Variants in SLCO1B3 observed in about 807,000 individuals in gnomAD.
The protein encoded by SLCO1B3 is solute carrier organic anion transporter family member 1B3.
SLCO1B3 carries 72 observed loss-of-function variants against 71.8 expected under a neutral mutation model. The ratio of observed to expected loss-of-function variants is 1.00; its 90% CI spans 0.83 to 1.22. SLCO1B3 has a LOEUF of 1.22. Ranked by LOEUF, SLCO1B3 falls within the 50% of genes most tolerant of loss-of-function variation. The probability of loss-of-function intolerance (pLI) is 0.00; values close to 1 mark genes in which losing one functional copy is unlikely to be tolerated. For synonymous variants in SLCO1B3, 298 were observed against 278.4 expected (o/e 1.07, Z -0.70); for missense variants, 911 against 819.7 (o/e 1.11, Z -1.36).
intron 6 of SLCO1B3, among the ~76,000 whole-genome samples, chr12:20,861,385 A>T (rs1461740894): frequency 6.6e-6 from 1 of 152,114 alleles, no homozygotes; most frequent in Admixed American, 6.6e-5. Context: ...CCCACCACCG[A>T]TGTGGAGGTC....
intron 13 of SLCO1B3, among the ~76,000 whole-genome samples, chr12:20,889,991 C>A (rs1317011294): frequency 1.3e-5 from 2 of 151,528 alleles, no homozygotes; most frequent in East Asian, 3.9e-4. Flanking sequence ...AATCTTGGCT[C>A]ACTGCAACCT....
At chr12:20,912,631 C>G (rs938574084) in intron 15 of SLCO1B3, among the ~76,000 whole-genome samples, 1 of 150,928 alleles carries the variant, frequency 6.6e-6, no homozygotes, top group African/African-American at 2.4e-5. Flanking sequence ...TCAAGTGATT[C>G]TCCTACCTCA....
rs186969188 is a variant in SLCO1B3 at position 20,819,026 on chromosome 12, A to C, written c.84+3204A>C. Among the ~76,000 whole-genome samples the C allele has an allele frequency of 1.1e-3, 168 of 152,308 alleles. 2 individuals carry two copies. In the South Asian group the frequency reaches 0.032, roughly 29 times the overall value. ...AAATAGATTTTGGAAGTTATGAGAAATGTAGAGAGTGAGTTGAGCATAGTT... is the reference window on the plus strand; with the variant it reads ...AAATAGATTTTGGAAGTTATGAGAACTGTAGAGAGTGAGTTGAGCATAGTT... On this transcript the variant is annotated intron_variant, in intron 3 of 15. Coordinates refer to ENST00000381545, the MANE Select transcript of SLCO1B3 (RefSeq NM_019844.4).
intron 3 of SLCO1B3, among the ~76,000 whole-genome samples, chr12:20,841,347 T>C (rs961895865): frequency 6.6e-6 from 1 of 152,170 alleles, no homozygotes; most frequent in Non-Finnish European, 1.5e-5. Context: ...CAGTATATTT[T>C]TTAAAATTGT....
At chr12:20,859,495 C>CCG (rs1158588959) in intron 5 of SLCO1B3, among the ~76,000 whole-genome samples, 1 of 124,448 alleles carries the variant, frequency 8.0e-6, no homozygotes, top group Non-Finnish European at 1.9e-5. Flanking sequence ...TTTTTTCCCC[C>CCG]TCTACATTTG....
chr12:20,877,842 AC>A lies in SLCO1B3; in HGVS notation c.1042del (p.Gln348LysfsTer2). On this transcript the variant is annotated frameshift_variant, in exon 10 of 16. Coordinates refer to ENST00000381545, the MANE Select transcript of SLCO1B3 (RefSeq NM_019844.4). LOFTEE classifies it high-confidence loss of function. ...TTATATTTCTGCTTTTGACATTGTT[AC>A]AAGTAAGCAGCTTTATTGGTTCTTT... The part of the protein sequence containing the change: ...YVIFLLLTLL[Q>X]VSSFIGSFTY... The A allele has an allele frequency of 6.3e-7, 1 of 1,583,004 alleles. No homozygotes were observed. Among genetic ancestry groups the A allele is most frequent in the South Asian group, 1.2e-5 (1 of 85,664 alleles).
intron 4 of SLCO1B3, among the ~76,000 whole-genome samples, chr12:20,857,427 T>C (rs907900158): frequency 1.3e-5 from 2 of 151,946 alleles, no homozygotes; most frequent in South Asian, 2.1e-4. Flanking sequence ...CCTTTAAAAT[T>C]TTTTCCTCTG....
intron 15 of SLCO1B3, among the ~76,000 whole-genome samples, chr12:20,906,825 T>G (rs1866255541): frequency 6.6e-6 from 1 of 152,158 alleles, no homozygotes; most frequent in African/African-American, 2.4e-5. Flanking sequence ...TCACCCAGAT[T>G]GTCAACAATC....
At chr12:20,845,285 G>GA (rs1864892677) in intron 3 of SLCO1B3, 4 of 361,128 alleles carry the variant, frequency 1.1e-5, no homozygotes, top group South Asian at 2.5e-5. Context: ...GCCCCAGTTA[G>GA]TGAAAAGGTT....
chr12:20,880,886 C>G lies in SLCO1B3; in HGVS notation c.1363C>G (p.Pro455Ala), dbSNP rs1565600521. 1 of 1,608,582 alleles carries G rather than the reference C, an allele frequency of 6.2e-7. No homozygotes were observed. The highest frequency in any genetic ancestry group is 8.5e-7 in the Non-Finnish European group (1 of 1,175,836). Residue 455 changes from proline to alanine, a missense_variant, in exon 12 of 16, where the codon CCA becomes GCA. Pro to Ala is a conservative substitution (Grantham distance 27). Coordinates refer to ENST00000381545, the MANE Select transcript of SLCO1B3 (RefSeq NM_019844.4). ...TTCAGTGGCATCTCATGTAGATGTA[C>G]CACTTTCTTATTGCAACTCAGAGTG... The part of the protein sequence containing the change: ...NNSVASHVDV[P>A]LSYCNSECNC...
intron 8 of SLCO1B3, among the ~76,000 whole-genome samples, chr12:20,866,238 C>G (rs1051224816): frequency 2.6e-5 from 4 of 152,050 alleles, no homozygotes; most frequent in African/African-American, 9.7e-5. Flanking sequence ...AGCTCTGCAG[C>G]TGGCCACTGT....
intron 8 of SLCO1B3, among the ~76,000 whole-genome samples, chr12:20,867,448 G>A (rs1474292217): frequency 2.0e-5 from 3 of 151,852 alleles, no homozygotes; most frequent in Non-Finnish European, 4.4e-5. Flanking sequence ...AAAAAAAGGT[G>A]TGGAGTGAAG....
intron 1 of SLCO1B3, among the ~76,000 whole-genome samples, chr12:20,811,789 T>C (rs1341135152): frequency 6.6e-6 from 1 of 151,998 alleles, no homozygotes; most frequent in Non-Finnish European, 1.5e-5. Context: ...CAGAGCAAAA[T>C]ATATTAAACG....
chr12:20,850,622 A>C (rs1310595716), intron 3 of SLCO1B3, among the ~76,000 whole-genome samples: 1 of 152,172 alleles, frequency 6.6e-6, no homozygotes, highest in Non-Finnish European at 1.5e-5. Context: ...TAAACATAGT[A>C]CTTGATAGGT....
intron 3 of SLCO1B3, among the ~76,000 whole-genome samples, chr12:20,816,389 A>G (rs1850011): frequency 0.61 from 92,990 of 151,870 alleles, 29,543 homozygotes; most frequent in East Asian, 0.79. Flanking sequence ...CCATCCTTCT[A>G]CTCACTGTGT....
intron 3 of SLCO1B3, among the ~76,000 whole-genome samples, chr12:20,841,949 A>C (rs1864813542): frequency 6.6e-6 from 1 of 150,722 alleles, no homozygotes; most frequent in Admixed American, 6.6e-5. Context: ...CAGTGGAGCA[A>C]TCTCGGCTCA....
At chr12:20,887,667 G>A (rs1865818661) in intron 13 of SLCO1B3, among the ~76,000 whole-genome samples, 1 of 150,896 alleles carries the variant, frequency 6.6e-6, no homozygotes, top group Non-Finnish European at 1.5e-5. Flanking sequence ...TCTGTGGTTT[G>A]TCTGTATACT....
rs1865610182 is a variant in SLCO1B3, at chr12:20,877,772, G to T, written c.971G>T (p.Gly324Val). ...QGKNVTKNVTGFFQSLKSILT... is the reference protein window; with the variant it reads ...QGKNVTKNVTVFFQSLKSILT... ...ATATGTTATTTTTATAACTCTATAG[G>T]TTTTTTCCAGTCTTTGAAAAGCATC... Residue 324 changes from glycine to valine, a missense_variant and splice_region_variant, in exon 10 of 16, where the codon GGT becomes GTT. Physicochemically the swap from Gly to Val is moderately radical, Grantham distance 109. Transcript: ENST00000381545. The T allele has an allele frequency of 2.2e-6, 3 of 1,383,544 alleles. No individual in the cohort carries two copies. The highest frequency in any genetic ancestry group is 2.7e-5 in the East Asian group (1 of 37,376). The allele number at this position is 1,383,544 out of a possible 1,614,324, so 85.7% of individuals were successfully genotyped here.
rs137901490 is a variant in SLCO1B3 at position 20,879,552 on chromosome 12, T to C, written c.1252T>C (p.Ser418Pro). Reference protein sequence around the residue: ...AKFSFLTSMISFLFQLLYFPL... With the variant: ...AKFSFLTSMIPFLFQLLYFPL... ...ATTTTCATTTCTTACTTCGATGATA[T>C]CCTTCTTGTTTCAACTTCTATATTT... Residue 418 changes from serine to proline, a missense_variant, in exon 11 of 16, where the codon TCC (serine) becomes CCC (proline). By Grantham distance (74) the Ser-to-Pro change is moderately conservative. Coordinates refer to ENST00000381545, the MANE Select transcript of SLCO1B3 (RefSeq NM_019844.4). 1.2e-4 allele frequency: 193 copies of C among 1,612,834 alleles called. 1 individual carries two copies. The highest frequency in any genetic ancestry group is 5.1e-4 in the African/African-American group (38 of 74,998).
Sources: allele counts gnomAD v4.1 joint callset (sites outside exome capture counted in the v4.1 genomes callset), GRCh38; gene constraint gnomAD v4.1.1; transcripts MANE v1.5; gene names NCBI Gene and HGNC (gene_info 2026-07-23, HGNC 2026-07-21).